The following ASXL1 variants were observed in gnomAD, a reference collection of about 807,000 sequenced individuals.
The protein encoded by ASXL1 is polycomb group protein ASXL1.
Under a neutral mutation model 89.1 loss-of-function variants are expected in ASXL1, and 65 were observed. That is an observed-to-expected ratio of 0.73 (90% CI 0.60 to 0.90). The LOEUF (loss-of-function observed/expected upper bound fraction) is 0.90, where lower values mean the gene tolerates loss of function less well. ASXL1 is among the 40% of genes least tolerant of loss of function. The pLI, the probability that ASXL1 is intolerant of heterozygous loss-of-function variation, is 0.00. For missense variants in ASXL1, 1,786 were observed against 1,942.9 expected (o/e 0.92, Z 1.52); for synonymous variants, 739 against 746.9 (o/e 0.99, Z 0.17).
chr20:32,381,943 TTTTTTTTCTTGCC>T (rs947531765), intron 4 of ASXL1, among the ~76,000 whole-genome samples: 2 of 147,396 alleles, frequency 1.4e-5, no homozygotes, highest in Non-Finnish European at 3.0e-5. Flanking sequence ...TTGAAGAATC[TTTTTTTTCTTGCC>T]TTTTTTTTTT....
At chr20:32,360,523 A>T (rs1287347405) in intron 1 of ASXL1, 1 of 152,490 alleles carries the variant, frequency 6.6e-6, no homozygotes, top group Non-Finnish European at 1.5e-5. Flanking sequence ...CGTTCCTGTT[A>T]TGCGGGTGTT....
intron 4 of ASXL1, among the ~76,000 whole-genome samples, chr20:32,409,361 G>C (rs2049007533): frequency 6.6e-6 from 1 of 152,134 alleles, no homozygotes; most frequent in South Asian, 2.1e-4. Flanking sequence ...GTATATAGCT[G>C]ATTTTTCAAT....
At chr20:32,368,187 A>G (rs1399013969) in intron 3 of ASXL1, among the ~76,000 whole-genome samples, 1 of 152,194 alleles carries the variant, frequency 6.6e-6, no homozygotes, top group Non-Finnish European at 1.5e-5. Flanking sequence ...GGTGACTCCT[A>G]GCACTAATAT....
At chr20:32,403,170 G>T (rs1356309068) in intron 4 of ASXL1, among the ~76,000 whole-genome samples, 1 of 152,050 alleles carries the variant, frequency 6.6e-6, no homozygotes, top group Non-Finnish European at 1.5e-5. Context: ...TTATTGAATT[G>T]CTTTCTCACC....
chr20:32,426,722 G>C (rs1367494640), intron 4 of ASXL1, among the ~76,000 whole-genome samples: 1 of 151,554 alleles, frequency 6.6e-6, no homozygotes. Context: ...ACCACACCTG[G>C]CTAATTTTTT....
intron 4 of ASXL1, among the ~76,000 whole-genome samples, chr20:32,408,710 G>C (rs1334178330): frequency 6.6e-6 from 1 of 152,056 alleles, no homozygotes; most frequent in African/African-American, 2.4e-5. Flanking sequence ...GAGCCACCAT[G>C]CCCAGCCTTC....
At chr20:32,396,211 G>A (rs920948080) in intron 4 of ASXL1, among the ~76,000 whole-genome samples, 6 of 152,142 alleles carry the variant, frequency 3.9e-5, no homozygotes, top group Admixed American at 3.9e-4. Context: ...TCATCTTTGG[G>A]TCTGTTTTTA....
chr20:32,436,905 A>G lies in ASXL1; in HGVS notation c.4193A>G (p.His1398Arg), dbSNP rs1392041036. 6.2e-7 allele frequency: 1 copy of G among 1,614,226 alleles called. No individual in the cohort carries two copies. The highest frequency in any genetic ancestry group is 1.3e-5 in the African/African-American group (1 of 75,070). The change falls in exon 13 of 13, where the codon CAC (histidine) becomes CGC (arginine). Residue 1398 changes from histidine to arginine, a missense_variant. His to Arg is a conservative substitution (Grantham distance 29). Transcript: ENST00000375687. ...TGHSPLELVG[H>R]LEGMPFVMDL... is the part of the protein sequence containing the mutation. ...CATAGTCCCCTGGAACTGGTGGGTC[A>G]CTTGGAAGGGATGCCCTTTGTCATG...
chr20:32,412,683 A>T (rs906410315), intron 4 of ASXL1, among the ~76,000 whole-genome samples: 3 of 146,260 alleles, frequency 2.1e-5, no homozygotes, highest in Non-Finnish European at 4.5e-5. Context: ...TCAGCCTCCC[A>T]AGTAGCTGGG....
chr20:32,370,484 TG>T (rs2048283774), intron 4 of ASXL1, among the ~76,000 whole-genome samples: 1 of 152,240 alleles, frequency 6.6e-6, no homozygotes, highest in Admixed American at 6.5e-5. Context: ...AGATTTGATT[TG>T]GGGCTGTACT....
intron 4 of ASXL1, among the ~76,000 whole-genome samples, chr20:32,405,275 A>G (rs1283765721): frequency 1.3e-5 from 2 of 151,938 alleles, no homozygotes; most frequent in African/African-American, 4.8e-5. Context: ...ATGCCTGGCT[A>G]ATTTTTTTAA....
At chr20:32,426,554 C>CTTTTTTTTT (rs1177815042) in intron 4 of ASXL1, among the ~76,000 whole-genome samples, 1 of 83,950 alleles carries the variant, frequency 1.2e-5, no homozygotes, top group African/African-American at 4.6e-5. Flanking sequence ...TTTTTTCTTT[C>CTTTTTTTTT]TTTTTTTTTT....
rs1230703370 is a variant in ASXL1 at position 32,434,555 on chromosome 20, G to A, written c.1843G>A (p.Ala615Thr). ...GGGTTGGACTGGCGCCAGGACCCTCGCAGACATTAAAGCCCGTGCTCTGCA... is the reference window on the plus strand; with the variant it reads ...GGGTTGGACTGGCGCCAGGACCCTCACAGACATTAAAGCCCGTGCTCTGCA... ...CRGWTGARTLADIKARALQVR... is the reference protein window; with the variant it reads ...CRGWTGARTLTDIKARALQVR... Residue 615 changes from alanine (A) to threonine (T), a missense_variant, in exon 13 of 13, where the codon GCA (alanine) becomes ACA (threonine). Physicochemically the swap from Ala to Thr is moderately conservative, Grantham distance 58 (BLOSUM62 0). Around this residue, in one of 3 missense-constraint regions of ASXL1, gnomAD observed 1,418 missense variants for 1,427.8 expected, o/e 0.99. Transcript: ENST00000375687. The A allele has an allele frequency of 8.7e-6, 14 of 1,613,686 alleles. No individual in the cohort carries two copies. Among genetic ancestry groups the A allele is most frequent in the East Asian group, 4.5e-5 (2 of 44,878 alleles).
chr20:32,408,875 T>C (rs1419618219), intron 4 of ASXL1, among the ~76,000 whole-genome samples: 1 of 152,184 alleles, frequency 6.6e-6, no homozygotes, highest in Non-Finnish European at 1.5e-5. Context: ...TCTCCAGTTA[T>C]TATCATCTTT....
chr20:32,400,735 G>A (rs963763501), intron 4 of ASXL1, among the ~76,000 whole-genome samples: 55 of 152,140 alleles, frequency 3.6e-4, no homozygotes, highest in African/African-American at 1.1e-3. Context: ...AGCTGAGCTC[G>A]CTGTCTTCAA....
intron 2 of ASXL1, among the ~76,000 whole-genome samples, chr20:32,366,987 G>C (rs567034070): frequency 6.6e-6 from 1 of 151,830 alleles, no homozygotes; most frequent in East Asian, 1.9e-4. Flanking sequence ...AGTTTTCCTG[G>C]AGAAGTAACA....
intron 4 of ASXL1, among the ~76,000 whole-genome samples, chr20:32,399,496 G>A (rs578168038): frequency 1.6e-4 from 24 of 145,468 alleles, no homozygotes; most frequent in Middle Eastern, 3.6e-3. Context: ...TTCAGGTTTC[G>A]GATTTTTTTT....
intron 4 of ASXL1, among the ~76,000 whole-genome samples, chr20:32,393,755 C>A (rs1017630620): frequency 3.9e-5 from 6 of 152,060 alleles, no homozygotes; most frequent in African/African-American, 1.4e-4. Flanking sequence ...CAGGTGTGAG[C>A]CACTGCGGCT....
At chr20:32,398,099 G>T (rs1273124844) in intron 4 of ASXL1, among the ~76,000 whole-genome samples, 1 of 152,126 alleles carries the variant, frequency 6.6e-6, no homozygotes, top group Non-Finnish European at 1.5e-5. Flanking sequence ...TTTGGGTGTG[G>T]TTTCTTTCCT....
Sources: allele counts gnomAD v4.1 joint callset (sites outside exome capture counted in the v4.1 genomes callset), GRCh38; gene constraint gnomAD v4.1.1; regional missense constraint gnomAD v4.1.1; transcripts MANE v1.5; gene names NCBI Gene and HGNC (gene_info 2026-07-23, HGNC 2026-07-21).